SLC16A12: variants seen among roughly 807,000 people sequenced by gnomAD.
The protein encoded by SLC16A12 is monocarboxylate transporter 12.
A neutral mutation model predicts 42.4 loss-of-function variants in SLC16A12; 17 were observed. That is an observed-to-expected ratio of 0.40 (90% CI 0.27 to 0.60). SLC16A12 has a LOEUF of 0.60. Among genes scored for constraint, SLC16A12 ranks in the 20% least tolerant of loss-of-function variants. SLC16A12 has a pLI of 0.42. For missense variants in SLC16A12, 544 were observed against 623.0 expected, an observed-to-expected ratio of 0.87 and a Z score of 1.35; for synonymous variants, 224 against 229.4, an observed-to-expected ratio of 0.98 and a Z score of 0.21.
intron 2 of SLC16A12, among the ~76,000 whole-genome samples, chr10:89,485,557 C>T (rs1842731210): frequency 1.3e-5 from 2 of 152,136 alleles, no homozygotes; most frequent in South Asian, 4.1e-4. Context: ...GTTTATGCTA[C>T]CTGCAACCAA....
At chr10:89,515,322 C>A (rs1409536123) in intron 2 of SLC16A12, among the ~76,000 whole-genome samples, 1 of 152,116 alleles carries the variant, frequency 6.6e-6, no homozygotes, top group African/African-American at 2.4e-5. Context: ...AGAATTAATG[C>A]GCTCCTAGGT....
intron 2 of SLC16A12, among the ~76,000 whole-genome samples, chr10:89,484,834 G>C (rs145704708): frequency 2.0e-4 from 30 of 152,264 alleles, no homozygotes; most frequent in African/African-American, 5.5e-4. Context: ...AGATACAAGG[G>C]AAATTCCACT....
At chr10:89,522,595 C>T (rs1457927202) in intron 2 of SLC16A12, among the ~76,000 whole-genome samples, 3 of 152,176 alleles carry the variant, frequency 2.0e-5, no homozygotes, top group Admixed American at 6.5e-5. Context: ...TGTGACTCAG[C>T]AAAAATGTAT....
chr10:89,487,567 G>A (rs1008602802), intron 2 of SLC16A12, among the ~76,000 whole-genome samples: 2 of 151,264 alleles, frequency 1.3e-5, no homozygotes, highest in Non-Finnish European at 2.9e-5. Flanking sequence ...TTGGAAGTCC[G>A]AGGCTGGTGG....
upstream of SLC16A12, among the ~76,000 whole-genome samples, chr10:89,539,889 C>CTTTCTTTCTT (rs1843702715): frequency 6.8e-6 from 1 of 146,858 alleles, no homozygotes; most frequent in Non-Finnish European, 1.5e-5. Context: ...TTCTTTCTTT[C>CTTTCTTTCTT]TTTCTTTCTT....
chr10:89,543,237 C>CT (rs896806572), intron 2 of SLC16A12, among the ~76,000 whole-genome samples: 1 of 152,170 alleles, frequency 6.6e-6, no homozygotes, highest in Non-Finnish European at 1.5e-5. Context: ...ATCTTTTTGA[C>CT]TTTTTTTCTG....
chr10:89,495,105 C>T (rs1738168671), intron 2 of SLC16A12, among the ~76,000 whole-genome samples: 1 of 152,110 alleles, frequency 6.6e-6, no homozygotes, highest in Non-Finnish European at 1.5e-5. Context: ...AATCCCAGCA[C>T]TTTGGGAGGT....
chr10:89,497,791 G>A (rs1388580792), intron 2 of SLC16A12, among the ~76,000 whole-genome samples: 1 of 151,810 alleles, frequency 6.6e-6, no homozygotes, highest in Admixed American at 6.6e-5. Context: ...CTTCATTAAA[G>A]AGGATTCTTT....
In SLC16A12 at chr10:89,431,674, A is replaced by C. The variant is rs773401477; in HGVS notation, c.*1390T>G. The C allele has an allele frequency of 6.6e-6, 1 of 152,208 alleles. No homozygotes were observed. Among genetic ancestry groups the C allele is most frequent in the Non-Finnish European group, 1.5e-5 (1 of 68,036 alleles). The allele number at this position is 152,208 out of a possible 1,614,324, so 9.4% of individuals were successfully genotyped here. A position where few individuals can be genotyped will look rare whatever the true frequency, so the allele number is the denominator to read the frequency against. On this transcript the variant is annotated 3_prime_UTR_variant, in exon 8 of 8. Transcript: ENST00000371790. ...ACTCCTGGTAATTAAAATTGATTGC[A>C]TAATTTACTCCTATTACAGGTGTGA...
chr10:89,486,312 C>T, intron 2 of SLC16A12, among the ~76,000 whole-genome samples: 1 of 151,980 alleles, frequency 6.6e-6, no homozygotes, highest in Non-Finnish European at 1.5e-5. Context: ...GAATTGGCCT[C>T]CCTGCTCCAT....
At chr10:89,445,036 C>T (rs186868085) in intron 3 of SLC16A12, among the ~76,000 whole-genome samples, 80 of 152,370 alleles carry the variant, frequency 5.3e-4, no homozygotes, top group East Asian at 5.2e-3. Context: ...GGCGGCAGCC[C>T]GGCTGCGGGA....
At chr10:89,487,509 A>G (rs1038130993) in intron 2 of SLC16A12, among the ~76,000 whole-genome samples, 2 of 152,048 alleles carry the variant, frequency 1.3e-5, no homozygotes, top group Non-Finnish European at 2.9e-5. Flanking sequence ...CCAAAGGAAA[A>G]GAAATTGTTG....
intron 2 of SLC16A12, among the ~76,000 whole-genome samples, chr10:89,510,216 C>A (rs1269183164): frequency 6.6e-6 from 1 of 152,108 alleles, no homozygotes; most frequent in African/African-American, 2.4e-5. Context: ...ACTTTCTTCA[C>A]AGAATTGGAA....
At chr10:89,500,241 C>T (rs1356761226) in intron 2 of SLC16A12, among the ~76,000 whole-genome samples, 1 of 152,248 alleles carries the variant, frequency 6.6e-6, no homozygotes, top group Admixed American at 6.5e-5. Context: ...ATCCTGTTGA[C>T]ACTATTCCAC....
chr10:89,521,297 G>A (rs777499134), intron 2 of SLC16A12, among the ~76,000 whole-genome samples: 1 of 152,142 alleles, frequency 6.6e-6, no homozygotes, highest in Non-Finnish European at 1.5e-5. Flanking sequence ...ACCCCAAAAC[G>A]TGCTACCAAC....
At chr10:89,551,221 CA>C in intron 2 of SLC16A12, among the ~76,000 whole-genome samples, 1 of 152,208 alleles carries the variant, frequency 6.6e-6, no homozygotes, top group Middle Eastern at 3.4e-3. Flanking sequence ...GAAGGCAGAT[CA>C]CTTGAGGTCA....
chr10:89,546,482 G>GA (rs1843743375), intron 2 of SLC16A12, among the ~76,000 whole-genome samples: 1 of 152,192 alleles, frequency 6.6e-6, no homozygotes, highest in African/African-American at 2.4e-5. Context: ...ACCACAATGA[G>GA]ATACCATTTC....
chr10:89,528,974 A>T (rs1564600807), intron 2 of SLC16A12, among the ~76,000 whole-genome samples: 11 of 152,158 alleles, frequency 7.2e-5, no homozygotes, highest in Admixed American at 5.9e-4. Context: ...TTTTTATATC[A>T]TTTATGCCTG....
intron 2 of SLC16A12, among the ~76,000 whole-genome samples, chr10:89,498,074 C>T (rs555430005): frequency 6.6e-6 from 1 of 152,210 alleles, no homozygotes; most frequent in East Asian, 1.9e-4. Flanking sequence ...CTTTAGAAGG[C>T]CAAGGCAGGC....
Sources: gnomAD v4.1 joint callset for allele counts (sites outside exome capture counted in the v4.1 genomes callset) on GRCh38, gnomAD v4.1.1 for gene constraint, MANE v1.5 for transcripts, NCBI Gene and HGNC (gene_info 2026-07-23, HGNC 2026-07-21) for gene names.